HACD4: variants seen among roughly 807,000 people sequenced by gnomAD.
The protein encoded by HACD4 is very-long-chain (3R)-3-hydroxyacyl-CoA dehydratase 4.
A neutral mutation model predicts 33.3 loss-of-function variants in HACD4; 35 were observed. The observed-to-expected ratio is 1.05, with a 90% confidence interval of 0.80 to 1.39. HACD4 has a LOEUF of 1.39. Ranked by LOEUF, HACD4 falls within the 40% of genes most tolerant of loss-of-function variation. The pLI is 0.00. For missense variants in HACD4, 323 were observed against 276.5 expected (o/e 1.17, Z -1.19); for synonymous variants, 118 against 98.0 (o/e 1.20, Z -1.21).
Position 21,000,430 on chromosome 9 carries a change from C to T in HACD4, c.*6607G>A, listed in dbSNP as rs1842150163. ...AGACTCAAAAGCAGTGGTTCTCAAA[C>T]TTTTCTGTGCATGAGGCTCATTTGA... On this transcript the variant is annotated 3_prime_UTR_variant, in exon 7 of 7. Coordinates refer to ENST00000495827, the MANE Select transcript of HACD4 (RefSeq NM_001010915.5). The T allele has an allele frequency of 6.6e-6, 1 of 152,100 alleles. No homozygotes were observed. Among genetic ancestry groups the T allele is most frequent in the East Asian group, 1.9e-4 (1 of 5,198 alleles). The allele number at this position is 152,100 out of a possible 1,614,324, so 9.4% of individuals were successfully genotyped here.
chr9:21,024,225 T>C (rs1433661776), intron 3 of HACD4, among the ~76,000 whole-genome samples: 1 of 152,148 alleles, frequency 6.6e-6, no homozygotes, highest in African/African-American at 2.4e-5. Context: ...ATAAAAGAAA[T>C]AGGGGCCAAA....
At chr9:21,008,980 G>A (rs1453830973) in intron 5 of HACD4, among the ~76,000 whole-genome samples, 4 of 152,070 alleles carry the variant, frequency 2.6e-5, no homozygotes, top group Non-Finnish European at 5.9e-5. Context: ...GGTATGAGTA[G>A]CATCAGTGAA....
Position 21,001,189 on chromosome 9 carries a change from GAA to G in HACD4, c.*5846_*5847del, listed in dbSNP as rs1238410175. On this transcript the variant is annotated 3_prime_UTR_variant, in exon 7 of 7. Transcript: ENST00000495827. ...TTTTTAAAGAACCAAAGAGCATGCG[GAA>G]AAAGTCAAAAAACCAATGGATGAAC... 1.3e-5 allele frequency: 2 copies of G among 151,988 alleles called. No homozygotes were observed. Among genetic ancestry groups the G allele is most frequent in the Non-Finnish European group, 2.9e-5 (2 of 67,936 alleles). 9.4% of individuals were successfully genotyped at this position (151,988 alleles called of 1,614,324 possible).
Position 21,006,911 on chromosome 9 carries a change from A to C in HACD4, c.*126T>G. 1.4e-6 allele frequency: 1 copy of C among 709,592 alleles called. No individual in the cohort carries two copies. Among genetic ancestry groups the C allele is most frequent in the Non-Finnish European group, 2.6e-6 (1 of 388,548 alleles). The allele number at this position is 709,592 out of a possible 1,614,324, so 44.0% of individuals were successfully genotyped here. A position where few individuals can be genotyped will look rare whatever the true frequency, so the allele number is the denominator to read the frequency against. On this transcript the variant is annotated 3_prime_UTR_variant, in exon 7 of 7. Coordinates refer to ENST00000495827, the MANE Select transcript of HACD4 (RefSeq NM_001010915.5). This position sits in a 1 kb window ranked among gnomAD's most constrained non-coding sequence, Gnocchi z 4.6. ...TGTCTAGAGTTTTGGGGGTATGTGC[A>C]GTTATTTCATGTAATGGATTTTTAT...
intron 3 of HACD4, among the ~76,000 whole-genome samples, chr9:21,018,796 T>A (rs1298286277): frequency 1.4e-5 from 2 of 145,750 alleles, no homozygotes; most frequent in African/African-American, 5.0e-5. Context: ...GATAACTATA[T>A]AATAAAAATG....
At chr9:21,021,767 G>A (rs1253189289) in intron 3 of HACD4, among the ~76,000 whole-genome samples, 8 of 152,108 alleles carry the variant, frequency 5.3e-5, no homozygotes, top group African/African-American at 1.9e-4. Flanking sequence ...ATGCTCATGG[G>A]TAGGAAGAAT....
intron 3 of HACD4, 77 bp from the exon 4 acceptor site, chr9:21,016,087 G>C: frequency 1.1e-6 from 1 of 918,030 alleles, no homozygotes; most frequent in Non-Finnish European, 1.7e-6. Flanking sequence ...TTGAAAACCA[G>C]ATCTCCTTTC....
At chr9:21,020,500 A>T (rs887563608) in intron 3 of HACD4, among the ~76,000 whole-genome samples, 7 of 152,178 alleles carry the variant, frequency 4.6e-5, no homozygotes, top group Admixed American at 2.6e-4. Context: ...TCAACATTTC[A>T]GGCTTGATAG....
intron 2 of HACD4, among the ~76,000 whole-genome samples, chr9:21,027,403 TA>T (rs1341575685): frequency 6.6e-6 from 1 of 152,242 alleles, no homozygotes. Context: ...CTTTAAGTTC[TA>T]AAATGAAATC....
In HACD4 at chr9:21,002,254, G is replaced by C. The variant is rs1842177919; in HGVS notation, c.*4783C>G. ...AAAGAACTGAGAAAGATACTTAAAT[G>C]CTTCACTATAAAAAAGTAAACTACA... On this transcript the variant is annotated 3_prime_UTR_variant, in exon 7 of 7. Transcript: ENST00000495827. 2 of 152,026 alleles carry C rather than the reference G, an allele frequency of 1.3e-5. No individual in the cohort carries two copies. Among genetic ancestry groups the C allele is most frequent in the South Asian group, 2.1e-4 (1 of 4,832 alleles). 9.4% of individuals were successfully genotyped at this position (152,026 alleles called of 1,614,324 possible). A position where few individuals can be genotyped will look rare whatever the true frequency, so the allele number is the denominator to read the frequency against.
chr9:21,031,604 C>T lies in HACD4; in HGVS notation c.-14G>A, dbSNP rs1467519214. The T allele has an allele frequency of 1.3e-5, 19 of 1,420,968 alleles. No individual in the cohort carries two copies. Among genetic ancestry groups the T allele is most frequent in the Non-Finnish European group, 1.6e-5 (18 of 1,093,760 alleles). 88.0% of individuals were successfully genotyped at this position (1,420,968 alleles called of 1,614,324 possible). On this transcript the variant is annotated 5_prime_UTR_variant, in exon 1 of 7. Transcript: ENST00000495827. Reference sequence around the variant, plus strand: ...CAAGGGCCCCATGGGCCGCCGCCGCCAGGGCTTCCAGCGCGGTCCAGGAAG... The same window carrying T: ...CAAGGGCCCCATGGGCCGCCGCCGCTAGGGCTTCCAGCGCGGTCCAGGAAG...
At chr9:21,017,641 A>G (rs565333225) in intron 3 of HACD4, among the ~76,000 whole-genome samples, 1 of 152,130 alleles carries the variant, frequency 6.6e-6, no homozygotes, top group Non-Finnish European at 1.5e-5. Context: ...GGAGATACAC[A>G]TACATGAATG....
At chr9:21,009,281 T>G (rs191860652) in intron 5 of HACD4, among the ~76,000 whole-genome samples, 1 of 152,190 alleles carries the variant, frequency 6.6e-6, no homozygotes, top group Non-Finnish European at 1.5e-5. Flanking sequence ...AGAGCATTAT[T>G]GACATTTTTG....
chr9:21,004,793 C>T lies in HACD4; in HGVS notation c.*2244G>A, dbSNP rs1326172230. 6.6e-6 allele frequency: 1 copy of T among 152,170 alleles called. No homozygotes were observed. The highest frequency in any genetic ancestry group is 3.2e-3 in the Middle Eastern group (1 of 316). The allele number at this position is 152,170 out of a possible 1,614,324, so 9.4% of individuals were successfully genotyped here. A position where few individuals can be genotyped will look rare whatever the true frequency, so the allele number is the denominator to read the frequency against. ...CCAATATATAAAGATGTGGAAGCAG[C>T]TTTGACGTTAGGTAACAGATAGAAG... On this transcript the variant is annotated 3_prime_UTR_variant, in exon 7 of 7. Coordinates refer to ENST00000495827, the MANE Select transcript of HACD4 (RefSeq NM_001010915.5). The surrounding 1 kb of genome is among the most constrained non-coding windows in gnomAD (Gnocchi z 4.6).
intron 2 of HACD4, among the ~76,000 whole-genome samples, chr9:21,027,363 A>G (rs368337671): frequency 3.3e-4 from 51 of 152,314 alleles, no homozygotes; most frequent in Middle Eastern, 3.4e-3. Flanking sequence ...AAGGGAAACA[A>G]ATGTTCCTCT....
At chr9:21,023,885 T>A (rs544050027) in intron 3 of HACD4, among the ~76,000 whole-genome samples, 1 of 152,280 alleles carries the variant, frequency 6.6e-6, no homozygotes, top group African/African-American at 2.4e-5. Flanking sequence ...CACTTAACTA[T>A]CTCTTGAAGG....
In HACD4 at chr9:21,003,928, G is replaced by A. The variant is rs1842209456; in HGVS notation, c.*3109C>T. The A allele has an allele frequency of 6.6e-6, 1 of 152,112 alleles. No homozygotes were observed. The highest frequency in any genetic ancestry group is 2.1e-4 in the South Asian group (1 of 4,826). The allele number at this position is 152,112 out of a possible 1,614,324, so 9.4% of individuals were successfully genotyped here. ...TTATACCTTTTATCTTCCTGTATGT[G>A]TGTGTCATTATTTTTAAAATTAAAA... On this transcript the variant is annotated 3_prime_UTR_variant, in exon 7 of 7. Transcript: ENST00000495827.
At chr9:21,023,403 A>C (rs1174566746) in intron 3 of HACD4, among the ~76,000 whole-genome samples, 1 of 151,986 alleles carries the variant, frequency 6.6e-6, no homozygotes, top group African/African-American at 2.4e-5. Context: ...AAGAAACAGA[A>C]ACACAGCACA....
intron 2 of HACD4, among the ~76,000 whole-genome samples, chr9:21,027,816 G>T (rs4355879): frequency 0.38 from 57,674 of 152,038 alleles, 11,129 homozygotes; most frequent in East Asian, 0.44. Flanking sequence ...TTCTACAATT[G>T]TAATGGCAGG....
Sources: allele counts gnomAD v4.1 joint callset (sites outside exome capture counted in the v4.1 genomes callset), GRCh38; gene constraint gnomAD v4.1.1; non-coding constraint Gnocchi (gnomAD v3.1); transcripts MANE v1.5; gene names NCBI Gene and HGNC (gene_info 2026-07-23, HGNC 2026-07-21).